MARCHF1: variants seen among roughly 807,000 people sequenced by gnomAD.
MARCHF1 encodes the protein membrane associated ring-CH-type finger 1.
In MARCHF1, 40 loss-of-function variants were observed where a neutral mutation model predicts 54.2. That is an observed-to-expected ratio of 0.74 (90% confidence interval 0.57 to 0.96). The LOEUF (loss-of-function observed/expected upper bound fraction) is 0.96. Among genes scored for constraint, MARCHF1 ranks in the 40% least tolerant of loss-of-function variants. The probability of loss-of-function intolerance (pLI) is 0.00; values close to 1 mark genes in which losing one functional copy is unlikely to be tolerated. For missense variants in MARCHF1, 586 were observed against 656.5 expected, an observed-to-expected ratio of 0.89 and a Z score of 1.17; for synonymous variants, 236 against 236.3, an observed-to-expected ratio of 1.00 and a Z score of 0.01.
chr4:164,287,103 A>C (rs959541778), intron 1 of MARCHF1, among the ~76,000 whole-genome samples: 9 of 148,318 alleles, frequency 6.1e-5, no homozygotes, highest in African/African-American at 2.2e-4. Context: ...AATATAATTT[A>C]TATTATATAA....
chr4:163,723,432 T>C (rs1462330432), intron 4 of MARCHF1, among the ~76,000 whole-genome samples: 3 of 152,176 alleles, frequency 2.0e-5, no homozygotes, highest in Admixed American at 6.5e-5. Context: ...GGTAACCCGA[T>C]CTTTCTCTCT....
intron 8 of MARCHF1, among the ~76,000 whole-genome samples, chr4:163,579,071 C>T (rs1177880259): frequency 1.3e-5 from 2 of 152,168 alleles, no homozygotes; most frequent in Non-Finnish European, 2.9e-5. Context: ...ATACCAATCT[C>T]AGGTGAATTT....
chr4:163,927,180 AG>A (rs1751556395), intron 3 of MARCHF1, among the ~76,000 whole-genome samples: 1 of 151,712 alleles, frequency 6.6e-6, no homozygotes, highest in Admixed American at 6.6e-5. Flanking sequence ...AAGATGGAAA[AG>A]CGCAACTTGA....
intron 4 of MARCHF1, among the ~76,000 whole-genome samples, chr4:163,746,029 A>G (rs1021060586): frequency 6.6e-6 from 1 of 152,130 alleles, no homozygotes; most frequent in Non-Finnish European, 1.5e-5. Flanking sequence ...CCCAAAGTCT[A>G]TATTTTACAT....
rs115927190 is a variant in MARCHF1 at position 163,642,247 on chromosome 4, G to C, written c.163-28854C>G. Among the ~76,000 whole-genome samples, 308 of 152,152 alleles carry C rather than the reference G, an allele frequency of 2.0e-3. 2 individuals carry two copies. Among genetic ancestry groups the C allele is most frequent in the African/African-American group, 6.9e-3 (286 of 41,524 alleles). Reference sequence around the variant, plus strand: ...ATTTAAGACCTGATTTTAGGTTTCTGTTGCTCCCCAGGGGAAAAGACAGAC... The same window carrying C: ...ATTTAAGACCTGATTTTAGGTTTCTCTTGCTCCCCAGGGGAAAAGACAGAC... On this transcript the variant is annotated intron_variant, in intron 5 of 9. Coordinates refer to ENST00000514618, the MANE Select transcript of MARCHF1 (RefSeq NM_001394959.1).
chr4:164,323,009 T>C (rs932737613), intron 1 of MARCHF1, among the ~76,000 whole-genome samples: 2 of 151,938 alleles, frequency 1.3e-5, no homozygotes, highest in African/African-American at 4.8e-5. Flanking sequence ...CAAAGATACA[T>C]AGAATTTCAC....
intron 4 of MARCHF1, among the ~76,000 whole-genome samples, chr4:163,815,244 T>C (rs1389696): frequency 0.78 from 118,876 of 152,128 alleles, 47,845 homozygotes; most frequent in South Asian, 0.88. Flanking sequence ...ATCCTAGTGA[T>C]AATCAATGTG....
chr4:163,577,271 C>G (rs1740071638), intron 8 of MARCHF1, among the ~76,000 whole-genome samples: 1 of 151,990 alleles, frequency 6.6e-6, no homozygotes, highest in Admixed American at 6.6e-5. Flanking sequence ...TAAGACTGGT[C>G]TAGTGGTAAC....
chr4:164,213,775 T>C (rs1448237307), intron 1 of MARCHF1, among the ~76,000 whole-genome samples: 1 of 152,028 alleles, frequency 6.6e-6, no homozygotes, highest in East Asian at 1.9e-4. Context: ...TGAAAGTACA[T>C]TTAGAAATTT....
intron 1 of MARCHF1, among the ~76,000 whole-genome samples, chr4:164,257,559 A>C (rs1026172999): frequency 2.0e-5 from 3 of 151,882 alleles, no homozygotes; most frequent in African/African-American, 7.2e-5. Context: ...TTGAAAAACC[A>C]TGGGATAGTG....
At position 164,045,829 on chromosome 4, in the gene MARCHF1, G is replaced by T. The variant is rs115759193; in HGVS notation, c.-247-57120C>A. On this transcript the variant is annotated intron_variant, in intron 2 of 9. Transcript: ENST00000514618. ...TTTAACTATTTAATAGTTACATGAGGACAAGGATATAATTTATTTCAGTTT... is the reference window on the plus strand; with the variant it reads ...TTTAACTATTTAATAGTTACATGAGTACAAGGATATAATTTATTTCAGTTT... Among the ~76,000 whole-genome samples, 840 of 151,978 alleles carry T rather than the reference G, an allele frequency of 5.5e-3. 6 individuals carry two copies. Among genetic ancestry groups the T allele is most frequent in the African/African-American group, 0.019 (797 of 41,484 alleles).
At chr4:163,809,367 C>T (rs962725485) in intron 4 of MARCHF1, among the ~76,000 whole-genome samples, 13 of 152,190 alleles carry the variant, frequency 8.5e-5, no homozygotes, top group Non-Finnish European at 1.9e-4. Context: ...ATCCACTCTG[C>T]TGTGACATTT....
intron 2 of MARCHF1, among the ~76,000 whole-genome samples, chr4:164,013,758 C>T (rs1020721272): frequency 1.3e-5 from 2 of 152,138 alleles, no homozygotes; most frequent in South Asian, 4.1e-4. Flanking sequence ...AATCTTTCAA[C>T]CTAGAATATT....
chr4:163,710,386 A>G (rs1236165306), intron 4 of MARCHF1, among the ~76,000 whole-genome samples: 1 of 152,168 alleles, frequency 6.6e-6, no homozygotes, highest in Non-Finnish European at 1.5e-5. Flanking sequence ...TTATGTACTT[A>G]CACATTTATT....
At chr4:164,087,449 A>G (rs913601119) in intron 2 of MARCHF1, among the ~76,000 whole-genome samples, 2 of 152,160 alleles carry the variant, frequency 1.3e-5, no homozygotes, top group African/African-American at 4.8e-5. Context: ...CAAAAACATG[A>G]AGACATAGAA....
intron 2 of MARCHF1, among the ~76,000 whole-genome samples, chr4:164,002,333 T>G (rs765311842): frequency 4.0e-5 from 6 of 151,362 alleles, no homozygotes; most frequent in African/African-American, 1.5e-4. Flanking sequence ...TATTAAAAAA[T>G]TAATTTAAAA....
At chr4:163,590,081 T>C (rs530961437) in intron 7 of MARCHF1, among the ~76,000 whole-genome samples, 13 of 151,798 alleles carry the variant, frequency 8.6e-5, no homozygotes, top group South Asian at 2.1e-4. Context: ...TGTGTGTGTG[T>C]GCTTCACATC....
intron 4 of MARCHF1, among the ~76,000 whole-genome samples, chr4:163,728,030 A>T (rs1366184890): frequency 2.0e-5 from 3 of 152,024 alleles, no homozygotes; most frequent in Non-Finnish European, 4.4e-5. Context: ...TGCAGCCTGT[A>T]TTTATGTGAA....
chr4:163,659,715 A>C (rs6851673), intron 5 of MARCHF1, among the ~76,000 whole-genome samples: 37,914 of 151,442 alleles, frequency 0.25, 6,100 homozygotes, highest in African/African-American at 0.43. Context: ...AAGAAAAAAA[A>C]AACCCCATCA....
Sources: gnomAD v4.1 joint callset for allele counts (sites outside exome capture counted in the v4.1 genomes callset) on GRCh38, gnomAD v4.1.1 for gene constraint, MANE v1.5 for transcripts, NCBI Gene and HGNC (gene_info 2026-07-23, HGNC 2026-07-21) for gene names.